The following STS variants were observed in gnomAD, a reference collection of about 807,000 sequenced individuals.
The protein encoded by STS is steroid sulfatase.
A neutral mutation model predicts 26.8 loss-of-function variants in STS; 7 were observed. The ratio of observed to expected loss-of-function variants is 0.26; its 90% CI spans 0.15 to 0.49. The LOEUF is 0.49. Among genes scored for constraint, STS ranks in the 20% least tolerant of loss-of-function variants. The probability of loss-of-function intolerance (pLI) is 0.98; values close to 1 mark genes in which losing one functional copy is unlikely to be tolerated. For missense variants in STS, 434 were observed against 465.6 expected, an observed-to-expected ratio of 0.93 and a Z score of 0.63; for synonymous variants, 199 against 189.4, an observed-to-expected ratio of 1.05 and a Z score of -0.42.
chrX:7,148,019 C>T lies in STS; in HGVS notation c.-198C>T, dbSNP rs1375597005. On this transcript the variant is annotated 5_prime_UTR_variant, in exon 1 of 11. Transcript: ENST00000674429. ...CCGTCCCCACGCCCACACAAGACCG[C>T]CCTTACTGGAGGCGGCGGCTGCACA... 1.8e-6 allele frequency: 2 copies of T among 1,099,956 alleles called. No individual in the cohort carries two copies. Among genetic ancestry groups the T allele is most frequent in the Non-Finnish European group, 1.2e-6 (1 of 823,618 alleles). 90.6% of individuals were successfully genotyped at this position (1,099,956 alleles called of 1,213,427 possible).
chrX:7,164,129 G>A (rs776439334), intron 1 of STS, among the ~76,000 whole-genome samples: 2 of 111,785 alleles, frequency 1.8e-5, no homozygotes, highest in South Asian at 7.6e-4. Context: ...CAGCCTCACT[G>A]CAAAACTGTT....
At chrX:7,201,112 G>A (rs1210018269) in intron 2 of STS, among the ~76,000 whole-genome samples, 3 of 111,101 alleles carry the variant, frequency 2.7e-5, no homozygotes, top group Admixed American at 9.6e-5. Flanking sequence ...ATGGATGATA[G>A]ACAGATATAT....
Position 7,213,898 on chromosome X carries a change from C to G in STS, c.-5+22890C>G, listed in dbSNP as rs749300594. On this transcript the variant is annotated intron_variant, in intron 2 of 10. Coordinates refer to ENST00000674429, the MANE Select transcript of STS (RefSeq NM_001320752.2). ...GTTTGAGACCAGTCTGGGCAACATA[C>G]TAAGACCCTGTCTCTAGAAAAAAAA... Among the ~76,000 whole-genome samples, 16 of 110,605 alleles carry G rather than the reference C, an allele frequency of 1.4e-4. No homozygotes were observed. In the East Asian group the frequency reaches 2.9e-3, roughly 20 times the overall value.
chrX:7,185,454 T>C (rs930919865), intron 1 of STS, among the ~76,000 whole-genome samples: 4 of 113,209 alleles, frequency 3.5e-5, no homozygotes, highest in African/African-American at 1.3e-4. Flanking sequence ...GTTTGGCCCA[T>C]GGCCATACTT....
intron 2 of STS, among the ~76,000 whole-genome samples, chrX:7,246,387 T>C (rs2147074630): frequency 9.1e-6 from 1 of 110,093 alleles, no homozygotes; most frequent in Non-Finnish European, 1.9e-5. Flanking sequence ...CTGCAAGCTC[T>C]GCCTCCCAGG....
intron 1 of STS, among the ~76,000 whole-genome samples, chrX:7,185,005 G>C (rs1933746968): frequency 8.9e-6 from 1 of 112,047 alleles, no homozygotes; most frequent in Non-Finnish European, 1.9e-5. Context: ...TCGGCTTTTT[G>C]AGAAGAGGTT....
At chrX:7,279,311 A>ATGTGTGTG (rs532132394) in intron 7 of STS, among the ~76,000 whole-genome samples, 35 of 78,115 alleles carry the variant, frequency 4.5e-4, no homozygotes, top group African/African-American at 1.7e-3. Flanking sequence ...ATATATATAT[A>ATGTGTGTG]TGTGTGTGTG....
intron 2 of STS, chrX:7,219,651 C>T (rs779744980): frequency 4.1e-6 from 5 of 1,211,402 alleles, no homozygotes; most frequent in Non-Finnish European, 5.6e-6. Flanking sequence ...GCTCAGTTCC[C>T]CAACAACAGG....
chrX:7,236,731 TTAAG>T (rs1480348356), intron 2 of STS, among the ~76,000 whole-genome samples: 1 of 112,385 alleles, frequency 8.9e-6, no homozygotes. Flanking sequence ...GATAAAGTAT[TTAAG>T]TGTTTTTATT....
rs776313799 is a variant in STS, at chrX:7,333,893, G to T, written c.1242-93G>T. 33 of 1,163,928 alleles carry T rather than the reference G, an allele frequency of 2.8e-5. No individual in the cohort carries two copies. The Admixed American group carries it at 4.0e-4, about 14-fold the overall frequency. ...GGTCAGTCTTCTTTGTATTAATTAC[G>T]ACTGGAGCTCCCTCATGCTCTTATT... On this transcript the variant is annotated intron_variant, in intron 9 of 10. Coordinates refer to ENST00000674429, the MANE Select transcript of STS (RefSeq NM_001320752.2).
At chrX:7,312,902 C>T (rs1177212069) in intron 8 of STS, among the ~76,000 whole-genome samples, 1 of 112,628 alleles carries the variant, frequency 8.9e-6, no homozygotes, top group Non-Finnish European at 1.9e-5. Context: ...TCTTCCCTTT[C>T]TCCTAAAATA....
intron 9 of STS, among the ~76,000 whole-genome samples, chrX:7,326,980 G>A (rs758501710): frequency 8.9e-6 from 1 of 112,067 alleles, no homozygotes; most frequent in South Asian, 3.8e-4. Context: ...CTCAAACTTT[G>A]AGGTCTCAAA....
intron 2 of STS, among the ~76,000 whole-genome samples, chrX:7,229,583 T>C (rs1304547505): frequency 9.0e-6 from 1 of 110,680 alleles, no homozygotes; most frequent in Non-Finnish European, 1.9e-5. Flanking sequence ...ACTCTGAGTT[T>C]TTTTTGCACT....
At chrX:7,265,679 C>T (rs1168880984) in intron 6 of STS, among the ~76,000 whole-genome samples, 5 of 111,849 alleles carry the variant, frequency 4.5e-5, no homozygotes. Flanking sequence ...CTATTGTCCA[C>T]ATTGGAGCAC....
At chrX:7,240,533 G>GTGTGTGTATATA (rs1373072915) in intron 2 of STS, among the ~76,000 whole-genome samples, 4 of 60,570 alleles carry the variant, frequency 6.6e-5, no homozygotes, top group African/African-American at 2.6e-4. Flanking sequence ...GTGTGTGTGT[G>GTGTGTGTATATA]TATATATATA....
chrX:7,326,371 G>A (rs1490246058), intron 9 of STS, among the ~76,000 whole-genome samples: 1 of 111,276 alleles, frequency 9.0e-6, no homozygotes, highest in Non-Finnish European at 1.9e-5. Flanking sequence ...TTGGTCTTTC[G>A]GCATCGTGCT....
chrX:7,154,136 C>G (rs1371673702), intron 1 of STS, among the ~76,000 whole-genome samples: 2 of 111,870 alleles, frequency 1.8e-5, no homozygotes, highest in South Asian at 3.7e-4. Context: ...GTACCACATT[C>G]ACAAAGAGGG....
intron 2 of STS, among the ~76,000 whole-genome samples, chrX:7,247,051 A>G (rs904789870): frequency 9.0e-6 from 1 of 111,342 alleles, no homozygotes; most frequent in African/African-American, 3.3e-5. Flanking sequence ...GTGTGTGTGT[A>G]TGTGTGTGTG....
chrX:7,291,445 A>G (rs188308404), intron 7 of STS, among the ~76,000 whole-genome samples: 8 of 112,422 alleles, frequency 7.1e-5, no homozygotes, highest in East Asian at 2.8e-4. Flanking sequence ...ATAACATAGC[A>G]TATACTTTCG....
Sources: allele counts gnomAD v4.1 joint callset (sites outside exome capture counted in the v4.1 genomes callset), GRCh38; gene constraint gnomAD v4.1.1; transcripts MANE v1.5; gene names NCBI Gene and HGNC (gene_info 2026-07-23, HGNC 2026-07-21).